TACC2: variants seen among roughly 807,000 people sequenced by gnomAD.
The protein encoded by TACC2 is transforming acidic coiled-coil containing protein 2, also known as transforming acidic coiled-coil-containing protein 2.
In TACC2, 137 loss-of-function variants were observed where a neutral mutation model predicts 227.3. That is an observed-to-expected ratio of 0.60 (90% confidence interval 0.52 to 0.69). The LOEUF (loss-of-function observed/expected upper bound fraction) is 0.69. TACC2 is among the 30% of genes least tolerant of loss of function. The pLI, the probability that TACC2 is intolerant of heterozygous loss-of-function variation, is 0.00. For synonymous variants in TACC2, 1,523 were observed against 1,487.5 expected (o/e 1.02, Z -0.55); for missense variants, 3,470 against 3,694.4 (o/e 0.94, Z 1.57).
At position 121,991,853 on chromosome 10, in the gene TACC2, G is replaced by T. The variant is rs367690643; in HGVS notation, c.-46+2365G>T. On this transcript the variant is annotated intron_variant, in intron 1 of 22. Transcript: ENST00000369005. ...GAAGGTTTAATGGACTCACAGTTCC[G>T]TGTGGCTGGGGAGGCCTCATAATCA... Among the ~76,000 whole-genome samples the T allele has an allele frequency of 6.6e-5, 10 of 152,206 alleles. No individual in the cohort carries two copies. The East Asian group carries it at 1.2e-3, about 18-fold the overall frequency.
At chr10:122,078,776 TG>T (rs2079123796) in intron 3 of TACC2, among the ~76,000 whole-genome samples, 1 of 152,268 alleles carries the variant, frequency 6.6e-6, no homozygotes, top group African/African-American at 2.4e-5. Flanking sequence ...AGCTTTAATC[TG>T]GCTTTAAAAA....
rs2095382904 is a variant in TACC2, at chr10:122,215,461, TC to T, written c.7344+12del. On this transcript the variant is annotated intron_variant, in intron 10 of 22. Transcript: ENST00000369005. ...TGATCCACCTTCCCAGGTACAGTGTTCCTTTGATCTTGATGGTTTTATGCCC... is the reference window on the plus strand; with the variant it reads ...TGATCCACCTTCCCAGGTACAGTGTTCTTTGATCTTGATGGTTTTATGCCC... The T allele has an allele frequency of 6.2e-7, 1 of 1,613,100 alleles. No homozygotes were observed. The highest frequency in any genetic ancestry group is 8.5e-7 in the Non-Finnish European group (1 of 1,179,122).
At chr10:122,213,516 C>T (rs2095340240) in intron 9 of TACC2, 3 of 803,978 alleles carry the variant, frequency 3.7e-6, no homozygotes, top group East Asian at 2.4e-5. Flanking sequence ...AATGATGGGG[C>T]ATGGGGCTCC....
chr10:121,999,765 A>G (rs1426946566), intron 1 of TACC2, among the ~76,000 whole-genome samples: 2 of 152,172 alleles, frequency 1.3e-5, no homozygotes, highest in Admixed American at 1.3e-4. Flanking sequence ...AATCTTGGAG[A>G]AGCAGCTATT....
intron 14 of TACC2, among the ~76,000 whole-genome samples, 181 bp downstream of exon 14, chr10:122,228,189 G>T (rs2095664399): frequency 6.6e-6 from 1 of 152,204 alleles, no homozygotes; most frequent in South Asian, 2.1e-4. Flanking sequence ...TGAGGGGAAG[G>T]TTCTCTATTC....
At chr10:122,187,145 ATGTT>A (rs2094228801) in intron 7 of TACC2, among the ~76,000 whole-genome samples, 1 of 152,174 alleles carries the variant, frequency 6.6e-6, no homozygotes, top group Admixed American at 6.5e-5. Context: ...AAAACTAAGT[ATGTT>A]TGTGTTGGGG....
At chr10:122,032,873 C>T (rs1959158003) in intron 2 of TACC2, among the ~76,000 whole-genome samples, 4 of 152,050 alleles carry the variant, frequency 2.6e-5, no homozygotes, top group African/African-American at 4.8e-5. Context: ...ATAGGAGAAT[C>T]GCTTGAACCT....
At chr10:122,078,644 C>T (rs2079109416) in intron 3 of TACC2, among the ~76,000 whole-genome samples, 1 of 152,238 alleles carries the variant, frequency 6.6e-6, no homozygotes, top group African/African-American at 2.4e-5. Context: ...CTCTATCCCA[C>T]ACATTTCAAC....
At chr10:122,196,279 C>T (rs1252634185) in intron 8 of TACC2, among the ~76,000 whole-genome samples, 3 of 152,228 alleles carry the variant, frequency 2.0e-5, no homozygotes, top group Non-Finnish European at 4.4e-5. Context: ...GATGTACACT[C>T]CCGGAGCTTT....
chr10:122,002,161 G>A (rs1162539059), intron 1 of TACC2, among the ~76,000 whole-genome samples: 1 of 152,076 alleles, frequency 6.6e-6, no homozygotes, highest in African/African-American at 2.4e-5. Flanking sequence ...TATGATAAAG[G>A]GACCATTTCT....
chr10:122,205,674 C>G lies in TACC2; in HGVS notation c.5972-4723C>G, dbSNP rs2095079081. Among the ~76,000 whole-genome samples the G allele has an allele frequency of 6.6e-6, 1 of 152,176 alleles. No individual in the cohort carries two copies. Among genetic ancestry groups the G allele is most frequent in the South Asian group, 2.1e-4 (1 of 4,826 alleles). ...CCTGTTACGATGGGGGCCCTGAGCCCCCACCCCAGCCCTGCAGAAGGAAGT... is the reference window on the plus strand; with the variant it reads ...CCTGTTACGATGGGGGCCCTGAGCCGCCACCCCAGCCCTGCAGAAGGAAGT... On this transcript the variant is annotated intron_variant, in intron 8 of 22. Coordinates refer to ENST00000369005, the MANE Select transcript of TACC2 (RefSeq NM_206862.4). This position sits in a 1 kb window ranked among gnomAD's most constrained non-coding sequence, Gnocchi z 4.5.
At chr10:122,135,307 G>C (rs750802502) in intron 6 of TACC2, among the ~76,000 whole-genome samples, 10 of 152,160 alleles carry the variant, frequency 6.6e-5, no homozygotes, top group Non-Finnish European at 1.0e-4. Flanking sequence ...TAATGCATTA[G>C]GTAATGCAGC....
chr10:122,228,986 T>G (rs1252734179), intron 14 of TACC2, among the ~76,000 whole-genome samples: 2 of 152,022 alleles, frequency 1.3e-5, no homozygotes, highest in African/African-American at 4.8e-5. Flanking sequence ...ATATATATAT[T>G]TGGAAGTATT....
intron 5 of TACC2, among the ~76,000 whole-genome samples, chr10:122,126,455 A>G (rs563526201): frequency 2.0e-5 from 3 of 152,162 alleles, no homozygotes; most frequent in South Asian, 4.2e-4. Flanking sequence ...GTATGTACAC[A>G]TGCATGTGTG....
At chr10:122,196,123 G>A (rs929961270) in intron 8 of TACC2, among the ~76,000 whole-genome samples, 2 of 152,246 alleles carry the variant, frequency 1.3e-5, no homozygotes, top group Non-Finnish European at 2.9e-5. Context: ...ATGGGGCTGG[G>A]TGCCTCCACT....
At chr10:122,181,158 A>G (rs957501753) in intron 7 of TACC2, among the ~76,000 whole-genome samples, 26 of 152,250 alleles carry the variant, frequency 1.7e-4, no homozygotes, top group African/African-American at 6.3e-4. Context: ...TAATTCAGTA[A>G]ATATTCAAGT....
Position 122,211,116 on chromosome 10 carries a change from A to G in TACC2, c.6691A>G (p.Arg2231Gly), listed in dbSNP as rs547042157. The change falls in exon 9 of 23, where the codon AGG (arginine) becomes GGG (glycine). Residue 2231 changes from arginine to glycine, a missense_variant. Arg to Gly is a moderately radical substitution (Grantham distance 125). Around this residue, in one of 10 missense-constraint regions of TACC2, gnomAD observed 593 missense variants for 636.6 expected, o/e 0.93. Transcript: ENST00000369005. The part of the protein sequence containing the change: ...GRVQNSPPVG[R>G]KTLPLTTAPE... ...AGTGCAGAACTCACCCCCTGTCGGG[A>G]GGAAAACGCTGCCTCTTACCACGGC... The G allele has an allele frequency of 1.2e-6, 2 of 1,610,866 alleles. No individual in the cohort carries two copies. Among genetic ancestry groups the G allele is most frequent in the East Asian group, 4.5e-5 (2 of 44,834 alleles).
At position 122,253,782 on chromosome 10, in the gene TACC2, A is replaced by G. The variant is rs149595019; in HGVS notation, c.8782-209A>G. ...CCTATGTTCTAGAGATAAGGACACC[A>G]AGGCTCAGAGAGGTTGTGTAACTTG... On this transcript the variant is annotated intron_variant, in intron 22 of 22. Coordinates refer to ENST00000369005, the MANE Select transcript of TACC2 (RefSeq NM_206862.4). Among the ~76,000 whole-genome samples, 99 of 152,346 alleles carry G rather than the reference A, an allele frequency of 6.5e-4. 3 individuals are homozygous for G. The East Asian group carries it at 0.014, about 22-fold the overall frequency.
In TACC2 at chr10:122,093,022, A is replaced by G. The variant is rs113646028; in HGVS notation, c.5573+4431A>G. On this transcript the variant is annotated intron_variant, in intron 5 of 22. Coordinates refer to ENST00000369005, the MANE Select transcript of TACC2 (RefSeq NM_206862.4). ...CTAATGTTCAGATGTGTCGTTCTGG[A>G]TTAATCTTGGATATCACCAAGCTTG... Among the ~76,000 whole-genome samples, 338 of 151,882 alleles carry G rather than the reference A, an allele frequency of 2.2e-3. 2 individuals are homozygous for G. Among genetic ancestry groups the G allele is most frequent in the African/African-American group, 7.2e-3 (300 of 41,408 alleles).
Sources: gnomAD v4.1 joint callset for allele counts (sites outside exome capture counted in the v4.1 genomes callset) on GRCh38, gnomAD v4.1.1 for gene constraint, gnomAD v4.1.1 regional missense constraint, Gnocchi (gnomAD v3.1) non-coding constraint, MANE v1.5 for transcripts, NCBI Gene and HGNC (gene_info 2026-07-23, HGNC 2026-07-21) for gene names.